CPXM2: variants seen among roughly 807,000 people sequenced by gnomAD.
The protein encoded by CPXM2 is inactive carboxypeptidase-like protein X2.
CPXM2 carries 66 observed loss-of-function variants against 86.1 expected under a neutral mutation model. The observed-to-expected ratio is 0.77, with a 90% CI of 0.63 to 0.94. CPXM2 has a LOEUF of 0.94. Among genes scored for constraint, CPXM2 ranks in the 40% least tolerant of loss-of-function variants. The pLI is 0.00. For missense variants in CPXM2, 948 were observed against 1,026.3 expected (o/e 0.92, Z 1.04); for synonymous variants, 388 against 400.2 (o/e 0.97, Z 0.36).
At chr10:123,823,607 A>G (rs1164230703) in intron 4 of CPXM2, among the ~76,000 whole-genome samples, 1 of 152,186 alleles carries the variant, frequency 6.6e-6, no homozygotes. Flanking sequence ...AAAACTTGGC[A>G]ATATAACTGT....
intron 6 of CPXM2, among the ~76,000 whole-genome samples, chr10:123,785,018 C>T (rs569306701): frequency 8.5e-5 from 13 of 152,290 alleles, no homozygotes; most frequent in South Asian, 2.1e-4. Context: ...TTACATAGGG[C>T]GTACACGAAG....
At chr10:123,931,930 C>A (rs79411229) in intron 2 of CPXM2, among the ~76,000 whole-genome samples, 9,445 of 152,162 alleles carry the variant, frequency 0.062, 551 homozygotes, top group African/African-American at 0.16. Context: ...CACATGAGAA[C>A]TATGGATGCT....
chr10:123,901,429 T>TTGTG (rs3069582), intron 2 of CPXM2, among the ~76,000 whole-genome samples: 16,008 of 138,828 alleles, frequency 0.12, 989 homozygotes, highest in South Asian at 0.17. Flanking sequence ...CCAAGCAAGT[T>TTGTG]TGTGTGTGTG....
intron 2 of CPXM2, among the ~76,000 whole-genome samples, chr10:123,867,500 T>C (rs1325238905): frequency 2.6e-5 from 4 of 151,854 alleles, no homozygotes; most frequent in African/African-American, 9.7e-5. Context: ...CTTTCTACCT[T>C]CAGAGCGTCA....
In CPXM2 at chr10:123,891,277, A is replaced by C. The variant is rs28513406; in HGVS notation, c.304+79T>G. ...GACTGGCCCATCCCAGACACACACA[A>C]TGGGAGAAGCCAGTTGTCCCCTGGA... On this transcript the variant is annotated intron_variant, in intron 1 of 13. Coordinates refer to ENST00000241305, the MANE Select transcript of CPXM2 (RefSeq NM_198148.3). The surrounding 1 kb of genome is among the most constrained non-coding windows in gnomAD (Gnocchi z 5.6). 0.37 allele frequency: 448,142 copies of C among 1,216,910 alleles called. 86,942 individuals carry two copies. Among genetic ancestry groups the C allele is most frequent in the Non-Finnish European group, 0.39 (350,208 of 893,596 alleles). The allele number at this position is 1,216,910 out of a possible 1,614,324, so 75.4% of individuals were successfully genotyped here.
intron 2 of CPXM2, among the ~76,000 whole-genome samples, chr10:123,932,296 T>C (rs1343440853): frequency 6.6e-6 from 1 of 152,212 alleles, no homozygotes; most frequent in Non-Finnish European, 1.5e-5. Flanking sequence ...TCACCTCTCA[T>C]GCCAGCCTTT....
intron 6 of CPXM2, among the ~76,000 whole-genome samples, chr10:123,781,721 G>A (rs1354058589): frequency 1.3e-5 from 2 of 152,150 alleles, no homozygotes; most frequent in East Asian, 1.9e-4. Flanking sequence ...TTGCCTGTTC[G>A]CTATACCCAG....
intron 4 of CPXM2, among the ~76,000 whole-genome samples, chr10:123,818,957 C>T (rs953675868): frequency 2.6e-5 from 4 of 152,138 alleles, no homozygotes; most frequent in East Asian, 1.9e-4. Context: ...GCAAAATTTT[C>T]GCTTCCTGTT....
At chr10:123,917,886 C>T (rs1945546762) in intron 2 of CPXM2, among the ~76,000 whole-genome samples, 1 of 152,180 alleles carries the variant, frequency 6.6e-6, no homozygotes, top group Non-Finnish European at 1.5e-5. Flanking sequence ...CAGACATTGT[C>T]CTGGCTGCTG....
At chr10:123,867,945 T>A (rs1442776725) in intron 2 of CPXM2, among the ~76,000 whole-genome samples, 1 of 152,042 alleles carries the variant, frequency 6.6e-6, no homozygotes, top group Non-Finnish European at 1.5e-5. Flanking sequence ...GGGAGAAAAT[T>A]ATGCAGGATG....
At chr10:123,874,264 T>A (rs1264737544) in intron 2 of CPXM2, among the ~76,000 whole-genome samples, 1 of 152,088 alleles carries the variant, frequency 6.6e-6, no homozygotes, top group African/African-American at 2.4e-5. Context: ...ATCCTCTCCC[T>A]GCGTCCTAAC....
At chr10:123,861,487 T>C (rs1281882636) in intron 3 of CPXM2, among the ~76,000 whole-genome samples, 1 of 152,124 alleles carries the variant, frequency 6.6e-6, no homozygotes, top group East Asian at 1.9e-4. Context: ...CCTGTGCATA[T>C]ATTAGATTAC....
chr10:123,851,932 G>A (rs1164820185), intron 3 of CPXM2, among the ~76,000 whole-genome samples: 2 of 152,106 alleles, frequency 1.3e-5, no homozygotes, highest in African/African-American at 2.4e-5. Context: ...CTCACTGGAA[G>A]AAGCCTGAGG....
intron 2 of CPXM2, among the ~76,000 whole-genome samples, chr10:123,939,274 TCA>T (rs1282182248): frequency 6.6e-6 from 1 of 152,082 alleles, no homozygotes; most frequent in Non-Finnish European, 1.5e-5. Context: ...GAAATAGGAC[TCA>T]CATATTTAAA....
Position 123,780,204 on chromosome 10 carries a change from AGGTCATCAGTGGT to A in CPXM2, c.928_940del (p.Thr310TrpfsTer14). The A allele has an allele frequency of 6.2e-7, 1 of 1,611,304 alleles. No homozygotes were observed. Among genetic ancestry groups the A allele is most frequent in the Non-Finnish European group, 8.5e-7 (1 of 1,177,408 alleles). On this transcript the variant is annotated frameshift_variant, in exon 7 of 14. Transcript: ENST00000241305. LOFTEE classifies it high-confidence loss of function. ...CTTATAATTGTGGTGCTTAAAATCC[AGGTCATCAGTGGT>A]GGTCATCTCGTTCCGGCGGTGATAA...
intron 4 of CPXM2, among the ~76,000 whole-genome samples, chr10:123,838,226 C>T (rs1848316304): frequency 6.6e-6 from 1 of 152,194 alleles, no homozygotes; most frequent in Non-Finnish European, 1.5e-5. Flanking sequence ...CTTTGGGAGG[C>T]CGAGGCGGGA....
At chr10:123,839,471 C>T (rs1484894251) in intron 4 of CPXM2, among the ~76,000 whole-genome samples, 1 of 152,142 alleles carries the variant, frequency 6.6e-6, no homozygotes, top group South Asian at 2.1e-4. Context: ...AGAGTTATTT[C>T]TCGTGCATCT....
At position 123,915,367 on chromosome 10, in the gene CPXM2, G is replaced by A. The variant is rs1945526765; in HGVS notation, n.174+24110C>T. The stretch of plus-strand genomic sequence containing the variant: ...GAGGCCAGGAGTTCGAGACCAGACT[G>A]GCCAACATGGCGAAACCCTATCGCT... On this transcript the variant is annotated intron_variant and non_coding_transcript_variant, in intron 2 of 19. Transcript: ENST00000368854. Among the ~76,000 whole-genome samples, 7 of 152,124 alleles carry A rather than the reference G, an allele frequency of 4.6e-5. No individual in the cohort carries two copies. In the South Asian group the frequency reaches 1.5e-3, roughly 32 times the overall value.
Position 123,764,736 on chromosome 10 carries a change from C to G in CPXM2, c.1479+2237G>C, listed in dbSNP as rs1449968357. 2.0e-5 allele frequency among the ~76,000 whole-genome samples: 3 copies of G among 152,178 alleles called. No individual in the cohort carries two copies. In the East Asian group the frequency reaches 5.8e-4, roughly 29 times the overall value. ...TCCTGACCTCAAGTGATCTGCCTGTCTAAGCCTCCCAATACCCTTGTTTTT... is the reference window on the plus strand; with the variant it reads ...TCCTGACCTCAAGTGATCTGCCTGTGTAAGCCTCCCAATACCCTTGTTTTT... On this transcript the variant is annotated intron_variant, in intron 10 of 13. Transcript: ENST00000241305.
Sources: allele counts gnomAD v4.1 joint callset (sites outside exome capture counted in the v4.1 genomes callset), GRCh38; gene constraint gnomAD v4.1.1; non-coding constraint Gnocchi (gnomAD v3.1); transcripts MANE v1.5; gene names NCBI Gene and HGNC (gene_info 2026-07-23, HGNC 2026-07-21).